Variants in FBXL17 observed in about 807,000 individuals in gnomAD.
FBXL17 encodes F-box/LRR-repeat protein 17.
FBXL17 carries 22 observed loss-of-function variants against 66.2 expected under a neutral mutation model. The ratio of observed to expected loss-of-function variants is 0.33; its 90% CI spans 0.24 to 0.47. The LOEUF is 0.47. FBXL17 is among the 20% of genes least tolerant of loss of function. The pLI is 1.00. For synonymous variants in FBXL17, 474 were observed against 400.5 expected (o/e 1.18, Z -2.19); for missense variants, 878 against 948.2 (o/e 0.93, Z 0.97).
At chr5:108,202,170 CAG>C (rs1344228174) in intron 5 of FBXL17, among the ~76,000 whole-genome samples, 4 of 152,114 alleles carry the variant, frequency 2.6e-5, no homozygotes, top group African/African-American at 9.7e-5. Context: ...TATCAAAAGA[CAG>C]ATGCCACAAA....
chr5:108,024,218 G>A (rs137884146), intron 6 of FBXL17, among the ~76,000 whole-genome samples: 150 of 152,266 alleles, frequency 9.9e-4, no homozygotes, highest in African/African-American at 3.0e-3. Flanking sequence ...GAAAGTATCC[G>A]TGTATAAGAT....
chr5:108,307,010 G>A (rs1258959603), intron 4 of FBXL17, among the ~76,000 whole-genome samples: 1 of 151,030 alleles, frequency 6.6e-6, no homozygotes, highest in African/African-American at 2.4e-5. Flanking sequence ...TTATCTTTAG[G>A]TATCCATCAT....
chr5:108,005,783 G>A (rs1300807700), intron 7 of FBXL17, among the ~76,000 whole-genome samples: 1 of 152,218 alleles, frequency 6.6e-6, no homozygotes, highest in Non-Finnish European at 1.5e-5. Flanking sequence ...CTTATAACGT[G>A]TGGCAATTCT....
At chr5:108,334,084 T>G (rs906460248) in intron 4 of FBXL17, among the ~76,000 whole-genome samples, 1 of 152,204 alleles carries the variant, frequency 6.6e-6, no homozygotes, top group Non-Finnish European at 1.5e-5. Flanking sequence ...TCCAAATATA[T>G]AGTGATAACA....
In FBXL17 at chr5:107,995,792, T is replaced by C. The variant is rs562177538; in HGVS notation, c.1822+25133A>G. ...TCAATAAGCATTTAAATTAGTTCTG[T>C]GAAACCTAATAAAAAGCACAAAGCT... is the stretch of plus-strand genomic sequence containing the variant. On this transcript the variant is annotated intron_variant, in intron 7 of 8. Transcript: ENST00000542267. 2.4e-4 allele frequency among the ~76,000 whole-genome samples: 36 copies of C among 152,164 alleles called. No individual in the cohort carries two copies. The East Asian group carries it at 4.6e-3, about 20-fold the overall frequency.
chr5:108,037,786 T>C (rs933915392), intron 6 of FBXL17, among the ~76,000 whole-genome samples: 1 of 152,222 alleles, frequency 6.6e-6, no homozygotes, highest in Non-Finnish European at 1.5e-5. Context: ...GTGCCTTGGA[T>C]ACATTGGTAC....
intron 4 of FBXL17, among the ~76,000 whole-genome samples, chr5:108,331,270 G>A (rs556507547): frequency 3.3e-4 from 50 of 152,096 alleles, no homozygotes; most frequent in Non-Finnish European, 6.3e-4. Flanking sequence ...GACTGCATTA[G>A]TATGAAGGCA....
At chr5:108,225,778 AG>A (rs1162971446) in intron 4 of FBXL17, among the ~76,000 whole-genome samples, 1 of 152,192 alleles carries the variant, frequency 6.6e-6, no homozygotes, top group Non-Finnish European at 1.5e-5. Context: ...ATAGTAATCA[AG>A]GTTTTGTCCC....
At chr5:108,338,756 A>T (rs1287592132) in intron 4 of FBXL17, among the ~76,000 whole-genome samples, 1 of 146,172 alleles carries the variant, frequency 6.8e-6, no homozygotes, top group African/African-American at 2.5e-5. Flanking sequence ...ACAACAACAA[A>T]AAGAATCCAC....
intron 5 of FBXL17, among the ~76,000 whole-genome samples, chr5:108,204,647 A>G (rs1169072148): frequency 6.6e-6 from 1 of 152,038 alleles, no homozygotes; most frequent in Non-Finnish European, 1.5e-5. Context: ...GGCATTTCAG[A>G]CTCTACAGGT....
intron 7 of FBXL17, among the ~76,000 whole-genome samples, chr5:107,980,940 G>T (rs968757873): frequency 4.6e-5 from 7 of 151,792 alleles, no homozygotes; most frequent in African/African-American, 1.7e-4. Flanking sequence ...CACCGCGCCC[G>T]GCCAAAATAA....
At chr5:108,322,668 T>A (rs58040806) in intron 4 of FBXL17, among the ~76,000 whole-genome samples, 9,778 of 151,924 alleles carry the variant, frequency 0.064, 1,048 homozygotes, top group African/African-American at 0.22. Flanking sequence ...AATATTGACT[T>A]TGCCAGATAT....
chr5:108,194,338 T>C (rs1240425871), intron 5 of FBXL17, among the ~76,000 whole-genome samples: 1 of 152,058 alleles, frequency 6.6e-6, no homozygotes, highest in Non-Finnish European at 1.5e-5. Flanking sequence ...TCAAATCTCA[T>C]CTTCTCCACA....
At chr5:107,924,491 G>A (rs1750432988) in intron 7 of FBXL17, among the ~76,000 whole-genome samples, 1 of 152,130 alleles carries the variant, frequency 6.6e-6, no homozygotes, top group African/African-American at 2.4e-5. Flanking sequence ...AGATTATTCA[G>A]AATAAGATGG....
At chr5:108,075,239 C>T (rs1197521566) in intron 6 of FBXL17, among the ~76,000 whole-genome samples, 1 of 151,916 alleles carries the variant, frequency 6.6e-6, no homozygotes, top group Non-Finnish European at 1.5e-5. Flanking sequence ...CTAAATGAAA[C>T]TGGTCTTCTT....
intron 7 of FBXL17, among the ~76,000 whole-genome samples, chr5:107,920,925 A>G (rs1370532648): frequency 1.3e-5 from 2 of 152,170 alleles, no homozygotes; most frequent in African/African-American, 2.4e-5. Context: ...TAAGTTGCTC[A>G]TGTCAGGACC....
chr5:108,285,075 T>G (rs1190225837), intron 4 of FBXL17, among the ~76,000 whole-genome samples: 1 of 151,944 alleles, frequency 6.6e-6, no homozygotes, highest in African/African-American at 2.4e-5. Context: ...TCACAGCATC[T>G]TCACCGGTAG....
chr5:107,967,283 C>A (rs1401791969), intron 7 of FBXL17, among the ~76,000 whole-genome samples: 1 of 151,868 alleles, frequency 6.6e-6, no homozygotes, highest in Non-Finnish European at 1.5e-5. Context: ...GAAACTAGAT[C>A]TACCTAATTC....
At chr5:108,380,577 C>T in intron 1 of FBXL17, 122 bp downstream of exon 1, 3 of 532,320 alleles carry the variant, frequency 5.6e-6, no homozygotes, top group Non-Finnish European at 5.9e-6. Flanking sequence ...CCCCTTGGGA[C>T]GTCCCTAGGC....
Sources: gnomAD v4.1 joint callset for allele counts (sites outside exome capture counted in the v4.1 genomes callset) on GRCh38, gnomAD v4.1.1 for gene constraint, MANE v1.5 for transcripts, NCBI Gene and HGNC (gene_info 2026-07-23, HGNC 2026-07-21) for gene names.